Variants in ZNF384 observed in about 807,000 individuals in gnomAD.
The protein encoded by ZNF384 is zinc finger protein 384, also known as CAG repeat protein 1.
A neutral mutation model predicts 65.0 loss-of-function variants in ZNF384; 20 were observed. That is an observed-to-expected ratio of 0.31 (90% CI 0.22 to 0.45). The LOEUF (loss-of-function observed/expected upper bound fraction) is 0.45, where lower values mean the gene tolerates loss of function less well. ZNF384 is among the 20% of genes least tolerant of loss of function. The probability of loss-of-function intolerance (pLI) is 1.00; values close to 1 mark genes in which losing one functional copy is unlikely to be tolerated. For synonymous variants in ZNF384, 310 were observed against 303.9 expected (o/e 1.02, Z -0.21); for missense variants, 549 against 769.4 (o/e 0.71, Z 3.39).
chr12:6,680,522 C>T (rs998696724), intron 2 of ZNF384, among the ~76,000 whole-genome samples: 1 of 152,048 alleles, frequency 6.6e-6, no homozygotes, highest in Non-Finnish European at 1.5e-5. Flanking sequence ...GTGGCACATG[C>T]CTGTGATCCC....
Position 6,667,560 on chromosome 12 carries a change from A to C in ZNF384, c.*154T>G. ...TCCTTTTGAAGAAGAGTTCAGAAAA[A>C]GGATGGTATCCTGTGAAGGAAAGCC... On this transcript the variant is annotated 3_prime_UTR_variant, in exon 12 of 12. Transcript: ENST00000683879. 1.0e-6 allele frequency: 1 copy of C among 984,376 alleles called. No individual in the cohort carries two copies. The highest frequency in any genetic ancestry group is 1.6e-6 in the Non-Finnish European group (1 of 621,224). The allele number at this position is 984,376 out of a possible 1,614,324, so 61.0% of individuals were successfully genotyped here.
chr12:6,669,355 G>A (rs1189800575), intron 10 of ZNF384, among the ~76,000 whole-genome samples, 166 bp from the exon 11 acceptor site: 1 of 152,146 alleles, frequency 6.6e-6, no homozygotes, highest in African/African-American at 2.4e-5. Flanking sequence ...ACAGGCTAAG[G>A]GTGGAAGCAT....
intron 2 of ZNF384, among the ~76,000 whole-genome samples, chr12:6,681,754 TA>T (rs1223711802): frequency 6.6e-6 from 1 of 152,212 alleles, no homozygotes; most frequent in Non-Finnish European, 1.5e-5. Flanking sequence ...TTTGTTCTAT[TA>T]AACAGCACCC....
At position 6,669,085 on chromosome 12, in the gene ZNF384, T is replaced by C. The variant is rs1478568051; in HGVS notation, c.1371A>G (p.Thr457=). The part of the protein sequence containing the change: ...ASLEVHLSTH[T]VKHAKVYTCT... Reference sequence around the variant, plus strand: ...AGGTGTACACCTTGGCATGCTTCACTGTGTGCGTAGACAGGTGCACCTCTA... The same window carrying C: ...AGGTGTACACCTTGGCATGCTTCACCGTGTGCGTAGACAGGTGCACCTCTA... The change falls in exon 11 of 12, where the codon ACA becomes ACG. Residue 457 remains threonine (T), a synonymous_variant. Coordinates refer to ENST00000683879, the MANE Select transcript of ZNF384 (RefSeq NM_001385745.1). The C allele has an allele frequency of 6.2e-7, 1 of 1,613,992 alleles. No individual in the cohort carries two copies. The highest frequency in any genetic ancestry group is 2.2e-5 in the East Asian group (1 of 44,876).
chr12:6,686,561 G>C (rs1248959373), intron 2 of ZNF384, among the ~76,000 whole-genome samples: 1 of 152,160 alleles, frequency 6.6e-6, no homozygotes, highest in Non-Finnish European at 1.5e-5. Context: ...GCCAAGACTT[G>C]TGAATTCTAA....
chr12:6,672,222 C>T lies in ZNF384; in HGVS notation c.1187+128G>A. ...GTTTGGTCTTCCTTCTCCCAGATGC[C>T]AGCCAGGTCTCTCCTCCAGCCAGGT... On this transcript the variant is annotated intron_variant, in intron 9 of 11. Transcript: ENST00000683879. This position sits in a 1 kb window ranked among gnomAD's most constrained non-coding sequence, Gnocchi z 4.4. The T allele has an allele frequency of 9.8e-7, 1 of 1,023,180 alleles. No individual in the cohort carries two copies. The allele number at this position is 1,023,180 out of a possible 1,614,324, so 63.4% of individuals were successfully genotyped here.
At chr12:6,671,160 A>G (rs1951345514) in intron 9 of ZNF384, among the ~76,000 whole-genome samples, 1 of 152,224 alleles carries the variant, frequency 6.6e-6, no homozygotes, top group African/African-American at 2.4e-5. Context: ...ATTCAAGAAC[A>G]CAAGATAAAC....
rs369843333 is a variant in ZNF384 at position 6,672,558 on chromosome 12, G to C, written c.1005-26C>G. 24 of 1,610,212 alleles carry C rather than the reference G, an allele frequency of 1.5e-5. No homozygotes were observed. The highest frequency in any genetic ancestry group is 1.8e-5 in the Non-Finnish European group (21 of 1,177,470). On this transcript the variant is annotated intron_variant, in intron 8 of 11. Transcript: ENST00000683879. The surrounding 1 kb of genome is among the most constrained non-coding windows in gnomAD (Gnocchi z 4.4). ...CTGCCGGAGAGGAGAGGAGGGAAGG[G>C]GGGAGGAGGAAGCAGTTCGACACCA...
chr12:6,688,647 C>CAGCCACTTCCTCT (rs888864641), intron 1 of ZNF384: 1 of 152,464 alleles, frequency 6.6e-6, no homozygotes, highest in African/African-American at 2.4e-5. Flanking sequence ...AGTTCAGGCC[C>CAGCCACTTCCTCT]AGCCACTTCC....
Position 6,672,321 on chromosome 12 carries a change from G to A in ZNF384, c.1187+29C>T, listed in dbSNP as rs374139575. 4.5e-5 allele frequency: 72 copies of A among 1,603,320 alleles called. No homozygotes were observed. The highest frequency in any genetic ancestry group is 5.6e-5 in the Non-Finnish European group (66 of 1,174,036). ...GGTGGGGAGGGCATGCCAGCGGGGC[G>A]GGGTCAGTAGCCCGCCACTCTCCCT... On this transcript the variant is annotated intron_variant, in intron 9 of 11. Coordinates refer to ENST00000683879, the MANE Select transcript of ZNF384 (RefSeq NM_001385745.1). This position sits in a 1 kb window ranked among gnomAD's most constrained non-coding sequence, Gnocchi z 4.4.
intron 6 of ZNF384, 109 bp from the exon 7 acceptor site, chr12:6,677,368 G>A: frequency 8.6e-7 from 1 of 1,160,176 alleles, no homozygotes; most frequent in Non-Finnish European, 1.1e-6. Context: ...TGTGACAGTA[G>A]TTATCCCACT....
At chr12:6,688,326 G>A (rs893203458) in intron 1 of ZNF384, 100 bp from the exon 2 acceptor site, 2 of 152,570 alleles carry the variant, frequency 1.3e-5, no homozygotes, top group Non-Finnish European at 2.9e-5. Flanking sequence ...CAGTCTGGAA[G>A]GCAGGCAGAC....
At chr12:6,676,751 G>A (rs938634983) in intron 7 of ZNF384, among the ~76,000 whole-genome samples, 40 of 152,232 alleles carry the variant, frequency 2.6e-4, no homozygotes, top group African/African-American at 9.1e-4. Flanking sequence ...TGATATATAA[G>A]AGAATGCCTT....
chr12:6,687,626 A>G (rs1048740166), intron 2 of ZNF384, among the ~76,000 whole-genome samples: 4 of 152,114 alleles, frequency 2.6e-5, no homozygotes, highest in African/African-American at 9.7e-5. Flanking sequence ...TTCACTCCAG[A>G]CTAACCATGA....
rs898037703 is a variant in ZNF384 at position 6,672,548 on chromosome 12, G to A, written c.1005-16C>T. 1 of 1,612,662 alleles carries A rather than the reference G, an allele frequency of 6.2e-7. No individual in the cohort carries two copies. The highest frequency in any genetic ancestry group is 1.3e-5 in the African/African-American group (1 of 74,992). On this transcript the variant is annotated splice_polypyrimidine_tract_variant and intron_variant, in intron 8 of 11. Coordinates refer to ENST00000683879, the MANE Select transcript of ZNF384 (RefSeq NM_001385745.1). This position sits in a 1 kb window ranked among gnomAD's most constrained non-coding sequence, Gnocchi z 4.4. ...GGAGTGGATCCTGCCGGAGAGGAGA[G>A]GAGGGAAGGGGGGAGGAGGAAGCAG...
Position 6,670,500 on chromosome 12 carries a change from T to C in ZNF384, c.1266+260A>G, listed in dbSNP as rs1048189894. On this transcript the variant is annotated intron_variant, in intron 10 of 11. Coordinates refer to ENST00000683879, the MANE Select transcript of ZNF384 (RefSeq NM_001385745.1). The stretch of plus-strand genomic sequence containing the variant: ...CTCACTCAGTTGTTTTTGGAGGGTC[T>C]TGGAATATGTTATTTATGTTAACAC... Among the ~76,000 whole-genome samples the C allele has an allele frequency of 9.2e-5, 14 of 152,174 alleles. No homozygotes were observed. The East Asian group carries it at 2.1e-3, about 23-fold the overall frequency.
intron 2 of ZNF384, among the ~76,000 whole-genome samples, chr12:6,684,016 C>CAA (rs113464138): frequency 1.4e-5 from 2 of 143,014 alleles, no homozygotes; most frequent in African/African-American, 5.1e-5. Context: ...GAATCCGTCT[C>CAA]AAAAAAAAAA....
intron 2 of ZNF384, among the ~76,000 whole-genome samples, chr12:6,680,679 A>G (rs1955593323): frequency 6.6e-6 from 1 of 151,958 alleles, no homozygotes; most frequent in South Asian, 2.1e-4. Context: ...ATCAAAACAT[A>G]TTTTGAGTAC....
rs1186830636 is a variant in ZNF384, at chr12:6,678,299, G to A, written c.514C>T (p.Leu172=). The change falls in exon 6 of 12, where the codon CTA becomes TTA. Residue 172 remains leucine (L), a synonymous_variant. Transcript: ENST00000683879. This position sits in a 1 kb window ranked among gnomAD's most constrained non-coding sequence, Gnocchi z 4.9. ...CCACCTCCGCCTCCTTCCTCGGTTA[G>A]GGTCGATGCTACCTTCTTGGAGAGG... The part of the protein sequence containing the change: ...PDLSKKVAST[L]TEEGGGGGGG... 1.9e-6 allele frequency: 3 copies of A among 1,614,156 alleles called. No individual in the cohort carries two copies. The highest frequency in any genetic ancestry group is 2.5e-6 in the Non-Finnish European group (3 of 1,180,030).
Sources: gnomAD v4.1 joint callset for allele counts (sites outside exome capture counted in the v4.1 genomes callset) on GRCh38, gnomAD v4.1.1 for gene constraint, Gnocchi (gnomAD v3.1) non-coding constraint, MANE v1.5 for transcripts, NCBI Gene and HGNC (gene_info 2026-07-23, HGNC 2026-07-21) for gene names.